The following RIMS2 variants were observed in gnomAD, a reference collection of about 807,000 sequenced individuals.
RIMS2 encodes the protein regulating synaptic membrane exocytosis 2.
A neutral mutation model predicts 174.4 loss-of-function variants in RIMS2; 59 were observed. The ratio of observed to expected loss-of-function variants is 0.34; its 90% CI spans 0.27 to 0.42. The LOEUF (loss-of-function observed/expected upper bound fraction) is 0.42. RIMS2 is among the 10% of genes least tolerant of loss of function. The pLI, the probability that RIMS2 is intolerant of heterozygous loss-of-function variation, is 1.00. For missense variants in RIMS2, 1,620 were observed against 1,666.3 expected (o/e 0.97, Z 0.48); for synonymous variants, 606 against 572.5 (o/e 1.06, Z -0.84).
At chr8:103,999,263 T>C (rs116526998) in intron 17 of RIMS2, among the ~76,000 whole-genome samples, 1 of 151,878 alleles carries the variant, frequency 6.6e-6, no homozygotes, top group African/African-American at 2.4e-5. Context: ...ATTTTATTTA[T>C]GTGGGTTAAT....
At chr8:103,734,014 C>CTTTTTTTTTTTTTTTTTTT (rs59348302) in intron 2 of RIMS2, among the ~76,000 whole-genome samples, 1 of 85,738 alleles carries the variant, frequency 1.2e-5, no homozygotes, top group Non-Finnish European at 2.0e-5. Context: ...CTAAAAGCTT[C>CTTTTTTTTTTTTTTTTTTT]TTTTTTTTTT....
intron 1 of RIMS2, among the ~76,000 whole-genome samples, chr8:103,588,258 A>G (rs895542569): frequency 1.3e-5 from 2 of 152,064 alleles, no homozygotes; most frequent in Non-Finnish European, 2.9e-5. Context: ...AGAGGACACC[A>G]AAAAATGGAA....
At chr8:103,568,848 TG>T in intron 1 of RIMS2, 1 of 1,161,418 alleles carries the variant, frequency 8.6e-7, no homozygotes, top group Non-Finnish European at 1.3e-6. Context: ...GTTAGCTGGC[TG>T]GTCTTTGTTA....
intron 1 of RIMS2, among the ~76,000 whole-genome samples, chr8:103,644,835 A>T (rs1255678530): frequency 6.6e-6 from 1 of 151,850 alleles, no homozygotes; most frequent in Non-Finnish European, 1.5e-5. Context: ...TCTAGTAAAG[A>T]TTTTGAAATT....
intron 1 of RIMS2, among the ~76,000 whole-genome samples, chr8:103,524,835 A>G (rs868703711): frequency 6.6e-6 from 1 of 152,174 alleles, no homozygotes; most frequent in Non-Finnish European, 1.5e-5. Flanking sequence ...TGGTGCTGCT[A>G]TTGCTGCTAG....
chr8:103,630,767 T>A (rs2095898544), intron 1 of RIMS2, among the ~76,000 whole-genome samples: 1 of 151,952 alleles, frequency 6.6e-6, no homozygotes, highest in Non-Finnish European at 1.5e-5. Context: ...TAAAATATGC[T>A]GCAGTAACCC....
intron 1 of RIMS2, among the ~76,000 whole-genome samples, chr8:103,687,323 TG>T (rs1159782597): frequency 6.6e-6 from 1 of 152,094 alleles, no homozygotes; most frequent in Non-Finnish European, 1.5e-5. Context: ...ATTTGTGTCT[TG>T]TTTTTTTCAT....
At chr8:103,853,052 G>T (rs891022628) in intron 3 of RIMS2, among the ~76,000 whole-genome samples, 22 of 151,692 alleles carry the variant, frequency 1.5e-4, no homozygotes, top group Non-Finnish European at 3.1e-4. Flanking sequence ...TTTCTCCACA[G>T]TCTCACCAAA....
rs916153751 is a variant in RIMS2 at position 103,909,173 on chromosome 8, C to T, written c.1625-961C>T. 5.3e-5 allele frequency among the ~76,000 whole-genome samples: 8 copies of T among 152,048 alleles called. 1 individual carries two copies. Among genetic ancestry groups the T allele is most frequent in the Middle Eastern group, 3.2e-3 (1 of 316 alleles). On this transcript the variant is annotated intron_variant, in intron 4 of 23. Transcript: ENST00000504942. Reference sequence around the variant, plus strand: ...TTCTCTATCCCTACTCTGTTGTAAGCATATTTCATTGTTTTACCCTTTCAA... The same window carrying T: ...TTCTCTATCCCTACTCTGTTGTAAGTATATTTCATTGTTTTACCCTTTCAA...
chr8:104,249,452 A>G, intron 21 of RIMS2, 35 bp from the exon 28 acceptor site: 1 of 1,167,932 alleles, frequency 8.6e-7, no homozygotes. Context: ...GCATTTGTAT[A>G]TTAAAGCACA....
chr8:103,521,066 A>C (rs887718632), intron 1 of RIMS2, among the ~76,000 whole-genome samples: 1 of 147,188 alleles, frequency 6.8e-6, no homozygotes, highest in African/African-American at 2.5e-5. Flanking sequence ...GTTCTCACTC[A>C]TAGGTGGGAA....
intron 19 of RIMS2, among the ~76,000 whole-genome samples, chr8:104,199,123 G>A (rs1004901091): frequency 5.3e-5 from 8 of 151,992 alleles, no homozygotes; most frequent in African/African-American, 1.5e-4. Context: ...GTGCAGTGGC[G>A]CCATCTCGGC....
chr8:103,754,212 G>A lies in RIMS2; in HGVS notation c.388-12015G>A, dbSNP rs188112877. Reference sequence around the variant, plus strand: ...CCCAGTAGTCATTCAGGAGCAGGTTGTTCAGTTTCCATGTAGTTGAGCGGT... The same window carrying A: ...CCCAGTAGTCATTCAGGAGCAGGTTATTCAGTTTCCATGTAGTTGAGCGGT... On this transcript the variant is annotated intron_variant, in intron 2 of 23. Transcript: ENST00000504942. Among the ~76,000 whole-genome samples the A allele has an allele frequency of 1.8e-4, 28 of 152,280 alleles. No individual in the cohort carries two copies. In the East Asian group the frequency reaches 4.6e-3, roughly 25 times the overall value.
At chr8:103,769,373 G>C (rs1324457020) in intron 3 of RIMS2, among the ~76,000 whole-genome samples, 3 of 152,080 alleles carry the variant, frequency 2.0e-5, no homozygotes, top group African/African-American at 7.2e-5. Context: ...GCTCAGACTG[G>C]AGTGCAGTGC....
chr8:104,057,288 A>C (rs1004291922), intron 19 of RIMS2, among the ~76,000 whole-genome samples: 1 of 151,814 alleles, frequency 6.6e-6, no homozygotes, highest in Non-Finnish European at 1.5e-5. Flanking sequence ...GGCTATTTGC[A>C]AACTCCTGGG....
intron 2 of RIMS2, among the ~76,000 whole-genome samples, chr8:103,711,299 G>A (rs1176031837): frequency 6.6e-6 from 1 of 152,162 alleles, no homozygotes; most frequent in East Asian, 1.9e-4. Flanking sequence ...CAGAGGCAAA[G>A]CAATGAGAAG....
chr8:104,048,190 A>G (rs2096725237), intron 19 of RIMS2, among the ~76,000 whole-genome samples: 4 of 152,212 alleles, frequency 2.6e-5, no homozygotes, highest in African/African-American at 9.6e-5. Context: ...TGCAACTCAG[A>G]TAAAATATTA....
intron 1 of RIMS2, among the ~76,000 whole-genome samples, chr8:103,686,182 C>A (rs1474832105): frequency 1.3e-5 from 2 of 151,838 alleles, no homozygotes; most frequent in Non-Finnish European, 2.9e-5. Flanking sequence ...GATCTTGTAT[C>A]CTGTGACCTT....
chr8:104,136,156 T>C (rs2098517780), intron 19 of RIMS2, among the ~76,000 whole-genome samples: 1 of 152,218 alleles, frequency 6.6e-6, no homozygotes, highest in African/African-American at 2.4e-5. Flanking sequence ...TTGCCGTAAG[T>C]GTGTTCAGGT....
Sources: allele counts gnomAD v4.1 joint callset (sites outside exome capture counted in the v4.1 genomes callset), GRCh38; gene constraint gnomAD v4.1.1; transcripts MANE v1.5; gene names NCBI Gene and HGNC (gene_info 2026-07-23, HGNC 2026-07-21).